The following PRDM5 variants were observed in gnomAD, a reference collection of about 807,000 sequenced individuals.
PRDM5 encodes the protein PR/SET domain 5.
PRDM5 carries 56 observed loss-of-function variants against 81.2 expected under a neutral mutation model. That is an observed-to-expected ratio of 0.69 (90% CI 0.56 to 0.86). PRDM5 has a LOEUF of 0.86. PRDM5 is among the 40% of genes least tolerant of loss of function. The probability of loss-of-function intolerance (pLI) is 0.00; values close to 1 mark genes in which losing one functional copy is unlikely to be tolerated. For synonymous variants in PRDM5, 267 were observed against 256.4 expected, an observed-to-expected ratio of 1.04 and a Z score of -0.39; for missense variants, 697 against 770.1, an observed-to-expected ratio of 0.91 and a Z score of 1.12.
At chr4:120,908,663 A>G (rs1766128055) in intron 1 of PRDM5, among the ~76,000 whole-genome samples, 1 of 152,220 alleles carries the variant, frequency 6.6e-6, no homozygotes, top group Non-Finnish European at 1.5e-5. Context: ...CAGGAAGACC[A>G]TTTCTTTAAT....
chr4:120,734,446 A>ACACACACACACACC (rs941793836), intron 14 of PRDM5, among the ~76,000 whole-genome samples: 3 of 151,146 alleles, frequency 2.0e-5, no homozygotes, highest in African/African-American at 7.3e-5. Context: ...ACACACACAC[A>ACACACACACACACC]CCCTTACTCA....
intron 2 of PRDM5, chr4:120,896,692 A>AT (rs11415167): frequency 0.4 from 55,164 of 139,554 alleles, 10,756 homozygotes; most frequent in African/African-American, 0.55. Context: ...CACACACATA[A>AT]TTTTTTTTTT....
At position 120,695,081 on chromosome 4, in the gene PRDM5, C is replaced by G. The variant is rs756592681; in HGVS notation, c.*30G>C. On this transcript the variant is annotated 3_prime_UTR_variant, in exon 16 of 16. Transcript: ENST00000264808. The stretch of plus-strand genomic sequence containing the variant: ...TCTGGGATTCATATTAGGAGCCCTT[C>G]TGAATAGTTTAATTCCTTTACAGCC... The G allele has an allele frequency of 5.6e-6, 9 of 1,601,610 alleles. No individual in the cohort carries two copies. In the Admixed American group the frequency reaches 1.3e-4, roughly 24 times the overall value.
rs34793587 is a variant in PRDM5, at chr4:120,800,516, C to CAA, written c.946-773_946-772dup. 1.2e-3 allele frequency among the ~76,000 whole-genome samples: 147 copies of CAA among 121,836 alleles called. 1 individual carries two copies. The highest frequency in any genetic ancestry group is 3.1e-3 in the East Asian group (14 of 4,452). The allele number at this position is 121,836 out of a possible 152,430, so 79.9% of individuals were successfully genotyped here. A position where few individuals can be genotyped will look rare whatever the true frequency, so the allele number is the denominator to read the frequency against. On this transcript the variant is annotated intron_variant, in intron 8 of 15. Transcript: ENST00000264808. ...TGGGTGACAGAGTGAGACTCGGTCT[C>CAA]AAAAAAAAAAAAAAAAGTCTCACAT... is the stretch of plus-strand genomic sequence containing the variant.
At position 120,742,916 on chromosome 4, in the gene PRDM5, G is replaced by A. The variant is rs934530476; in HGVS notation, c.1623+11637C>T. On this transcript the variant is annotated intron_variant, in intron 14 of 15. Coordinates refer to ENST00000264808, the MANE Select transcript of PRDM5 (RefSeq NM_018699.4). ...AAGGCAGGCCAACGTTCAGGTTCAG[G>A]AAATACAGAGAATGCCACAAAGATA... Among the ~76,000 whole-genome samples, 4 of 152,210 alleles carry A rather than the reference G, an allele frequency of 2.6e-5. No homozygotes were observed. The East Asian group carries it at 7.7e-4, about 29-fold the overall frequency.
chr4:120,804,683 TG>T (rs1375101026), intron 8 of PRDM5, among the ~76,000 whole-genome samples: 1 of 152,216 alleles, frequency 6.6e-6, no homozygotes, highest in Admixed American at 6.5e-5. Flanking sequence ...CCAGAATCTC[TG>T]GGACACATTT....
intron 13 of PRDM5, among the ~76,000 whole-genome samples, chr4:120,770,525 A>T (rs1258497328): frequency 6.6e-6 from 1 of 151,314 alleles, no homozygotes; most frequent in Non-Finnish European, 1.5e-5. Flanking sequence ...GTTTTACGTG[A>T]CATGGGAGCC....
chr4:120,727,228 T>C (rs1411661760), intron 14 of PRDM5, among the ~76,000 whole-genome samples: 1 of 152,084 alleles, frequency 6.6e-6, no homozygotes, highest in Non-Finnish European at 1.5e-5. Context: ...TTGACTGGAG[T>C]ACATTCATTC....
intron 14 of PRDM5, among the ~76,000 whole-genome samples, chr4:120,728,080 C>T (rs554206537): frequency 1.2e-4 from 19 of 152,156 alleles, no homozygotes; most frequent in South Asian, 6.2e-4. Context: ...CTGCTGACCC[C>T]GGGGTGAAAG....
chr4:120,709,693 C>A (rs145856731), intron 15 of PRDM5, among the ~76,000 whole-genome samples: 1 of 128,060 alleles, frequency 7.8e-6, no homozygotes, highest in East Asian at 2.9e-4. Context: ...CAATCCCGCA[C>A]AAAAGAACAG....
Position 120,785,068 on chromosome 4 carries a change from G to A in PRDM5, c.1212C>T (p.Phe404=), listed in dbSNP as rs375961361. 5 of 1,611,458 alleles carry A rather than the reference G, an allele frequency of 3.1e-6. No individual in the cohort carries two copies. The highest frequency in any genetic ancestry group is 1.7e-4 in the Middle Eastern group (1 of 6,054). ...ACAAAGCTTTACATTCTTCACATTG[G>A]AACGGTCTCTCCTCAGAGTGGGTCT... The part of the protein sequence containing the change: ...HKKTHSEERP[F]QCEECKALFR... Residue 404 remains phenylalanine, a synonymous_variant, in exon 11 of 16, where the codon TTC becomes TTT. Transcript: ENST00000264808.
At chr4:120,909,635 T>C (rs1245954760) in intron 1 of PRDM5, among the ~76,000 whole-genome samples, 2 of 142,816 alleles carry the variant, frequency 1.4e-5, no homozygotes, top group Non-Finnish European at 3.0e-5. Flanking sequence ...AAAAAAAAAG[T>C]GAATCTATCA....
chr4:120,715,262 T>C (rs534907668), intron 14 of PRDM5, among the ~76,000 whole-genome samples: 1 of 152,194 alleles, frequency 6.6e-6, no homozygotes, highest in Non-Finnish European at 1.5e-5. Context: ...AGTTCAGATG[T>C]TTTCTGTTTG....
At chr4:120,916,332 A>G (rs2148710199) in intron 1 of PRDM5, among the ~76,000 whole-genome samples, 1 of 152,288 alleles carries the variant, frequency 6.6e-6, no homozygotes, top group Admixed American at 6.5e-5. Context: ...GGTTGCAGTG[A>G]GCTGAGATCG....
rs1276736748 is a variant in PRDM5 at position 120,694,325 on chromosome 4, G to C, written c.*786C>G. On this transcript the variant is annotated 3_prime_UTR_variant, in exon 16 of 16. Coordinates refer to ENST00000264808, the MANE Select transcript of PRDM5 (RefSeq NM_018699.4). Reference sequence around the variant, plus strand: ...TACTGTTAATTTCTAAAGCTAAATGGTCTAAATTCAAGAGGGGTAGCCTGC... The same window carrying C: ...TACTGTTAATTTCTAAAGCTAAATGCTCTAAATTCAAGAGGGGTAGCCTGC... 1.3e-5 allele frequency: 2 copies of C among 151,988 alleles called. No individual in the cohort carries two copies. The highest frequency in any genetic ancestry group is 2.9e-5 in the Non-Finnish European group (2 of 67,964). 9.4% of individuals were successfully genotyped at this position (151,988 alleles called of 1,614,324 possible).
chr4:120,921,550 G>T (rs1412201659), intron 1 of PRDM5, among the ~76,000 whole-genome samples: 2 of 152,172 alleles, frequency 1.3e-5, no homozygotes, highest in African/African-American at 4.8e-5. Flanking sequence ...AGGCACCCTA[G>T]TGTCTCTACT....
At chr4:120,871,010 C>CTA (rs1376214723) in intron 2 of PRDM5, among the ~76,000 whole-genome samples, 5 of 152,162 alleles carry the variant, frequency 3.3e-5, no homozygotes. Context: ...CAGTAGAAGA[C>CTA]TATACTTTAC....
At chr4:120,718,367 T>C (rs1738106750) in intron 14 of PRDM5, among the ~76,000 whole-genome samples, 1 of 152,220 alleles carries the variant, frequency 6.6e-6, no homozygotes, top group African/African-American at 2.4e-5. Flanking sequence ...CCAAATTAAT[T>C]TTGTTTGGCT....
At chr4:120,830,412 C>T (rs1243490650) in intron 3 of PRDM5, among the ~76,000 whole-genome samples, 1 of 152,092 alleles carries the variant, frequency 6.6e-6, no homozygotes, top group Non-Finnish European at 1.5e-5. Flanking sequence ...GTTGTATCTT[C>T]AGATGCCATG....
Sources: gnomAD v4.1 joint callset for allele counts (sites outside exome capture counted in the v4.1 genomes callset) on GRCh38, gnomAD v4.1.1 for gene constraint, MANE v1.5 for transcripts, NCBI Gene and HGNC (gene_info 2026-07-23, HGNC 2026-07-21) for gene names.